The following SDK1 variants were observed in gnomAD, a reference collection of about 807,000 sequenced individuals.
SDK1 encodes the protein protein sidekick-1.
In SDK1, 157 loss-of-function variants were observed where a neutral mutation model predicts 245.5. The ratio of observed to expected loss-of-function variants is 0.64; its 90% confidence interval spans 0.56 to 0.73. The LOEUF (loss-of-function observed/expected upper bound fraction) is 0.73. SDK1 is among the 30% of genes least tolerant of loss of function. The pLI is 0.00. For missense variants in SDK1, 3,583 were observed against 3,002.3 expected (o/e 1.19, Z -4.52); for synonymous variants, 1,647 against 1,278.5 (o/e 1.29, Z -6.15).
At chr7:4,075,144 A>G (rs375074262) in intron 20 of SDK1, among the ~76,000 whole-genome samples, 55 of 151,536 alleles carry the variant, frequency 3.6e-4, no homozygotes, top group African/African-American at 1.3e-3. Context: ...CTTGGTGACA[A>G]CTCACAGGAT....
At chr7:3,401,059 G>T (rs567710045) in intron 1 of SDK1, among the ~76,000 whole-genome samples, 1 of 152,260 alleles carries the variant, frequency 6.6e-6, no homozygotes, top group African/African-American at 2.4e-5. Context: ...GCTGCCATCC[G>T]CAGCCTCATA....
At chr7:3,843,725 C>G (rs1159089743) in intron 5 of SDK1, among the ~76,000 whole-genome samples, 1 of 152,160 alleles carries the variant, frequency 6.6e-6, no homozygotes, top group East Asian at 1.9e-4. Context: ...GACGATGAAG[C>G]CATCGGGACG....
chr7:3,336,202 G>T (rs1038627868), intron 1 of SDK1, among the ~76,000 whole-genome samples: 2 of 152,204 alleles, frequency 1.3e-5, no homozygotes, highest in African/African-American at 2.4e-5. Context: ...TCCCTTCCCA[G>T]GCTTCGAGAG....
intron 5 of SDK1, among the ~76,000 whole-genome samples, chr7:3,861,019 A>G (rs1028015531): frequency 4.3e-4 from 65 of 152,126 alleles, no homozygotes; most frequent in African/African-American, 1.4e-3. Flanking sequence ...TAAACTGTCT[A>G]TATTTTGTGC....
intron 5 of SDK1, among the ~76,000 whole-genome samples, chr7:3,911,071 T>C (rs112507297): frequency 0.035 from 5,300 of 152,218 alleles, 135 homozygotes; most frequent in Middle Eastern, 0.099. Context: ...CTCTCCATTT[T>C]GGGGGGACTA....
chr7:3,761,212 A>G (rs1044961697), intron 4 of SDK1, among the ~76,000 whole-genome samples: 1 of 146,528 alleles, frequency 6.8e-6, no homozygotes, highest in African/African-American at 2.5e-5. Context: ...ATTTTTTTCT[A>G]ATTTCATTGA....
intron 35 of SDK1, among the ~76,000 whole-genome samples, chr7:4,189,018 G>C (rs1783043699): frequency 1.3e-5 from 2 of 151,632 alleles, no homozygotes; most frequent in Admixed American, 6.6e-5. Flanking sequence ...AAATTTCTCA[G>C]CCATTCTATG....
intron 5 of SDK1, among the ~76,000 whole-genome samples, chr7:3,879,638 C>T (rs1781158614): frequency 6.6e-6 from 1 of 152,160 alleles, no homozygotes; most frequent in Non-Finnish European, 1.5e-5. Context: ...GATGGACACC[C>T]AGTTTAATCT....
At chr7:3,641,740 T>C (rs1034316579) in intron 3 of SDK1, among the ~76,000 whole-genome samples, 1 of 152,244 alleles carries the variant, frequency 6.6e-6, no homozygotes, top group Non-Finnish European at 1.5e-5. Flanking sequence ...TGCTGAGGAA[T>C]GTGCAGCGTG....
At chr7:3,798,021 C>G (rs1383248649) in intron 4 of SDK1, among the ~76,000 whole-genome samples, 1 of 152,038 alleles carries the variant, frequency 6.6e-6, no homozygotes, top group Non-Finnish European at 1.5e-5. Flanking sequence ...TTACATGACC[C>G]TAGTCCATTC....
In SDK1 at chr7:3,510,708, C is replaced by T. The variant is rs528529361; in HGVS notation, c.299-108372C>T. On this transcript the variant is annotated intron_variant, in intron 1 of 44. Transcript: ENST00000404826. Reference sequence around the variant, plus strand: ...TATACAGATGAAACCTCAGAGATAGCAGTTCTCAGAGAGAACAGATGATAG... The same window carrying T: ...TATACAGATGAAACCTCAGAGATAGTAGTTCTCAGAGAGAACAGATGATAG... 8.5e-4 allele frequency among the ~76,000 whole-genome samples: 129 copies of T among 152,068 alleles called. 1 individual carries two copies. The highest frequency in any genetic ancestry group is 9.9e-4 in the Non-Finnish European group (67 of 68,010).
chr7:3,588,714 T>C (rs1407687205), intron 1 of SDK1, among the ~76,000 whole-genome samples: 4 of 152,218 alleles, frequency 2.6e-5, no homozygotes, highest in Non-Finnish European at 5.9e-5. Context: ...ACATCTGTAT[T>C]GGGTTGATTT....
intron 14 of SDK1, among the ~76,000 whole-genome samples, chr7:3,998,596 G>C (rs1784848878): frequency 6.6e-6 from 1 of 152,170 alleles, no homozygotes; most frequent in Middle Eastern, 3.2e-3. Context: ...ACAGGTTTCA[G>C]AGCTGATGCT....
At chr7:3,969,158 G>A (rs1782295288) in intron 10 of SDK1, 99 bp from the exon 11 acceptor site, 5 of 1,124,506 alleles carry the variant, frequency 4.4e-6, no homozygotes, top group South Asian at 2.1e-5. Context: ...GTGGGGACAC[G>A]GAGCCGAACC....
At chr7:3,919,332 C>G (rs999710071) in intron 5 of SDK1, among the ~76,000 whole-genome samples, 2 of 152,226 alleles carry the variant, frequency 1.3e-5, no homozygotes, top group Admixed American at 6.5e-5. Context: ...GTGTCCCAGT[C>G]TTGCTCTTGC....
intron 30 of SDK1, among the ~76,000 whole-genome samples, chr7:4,154,310 T>G (rs887282834): frequency 6.6e-6 from 1 of 152,232 alleles, no homozygotes; most frequent in East Asian, 1.9e-4. Flanking sequence ...AGAGTTCTGA[T>G]AGCAAGTTCA....
intron 1 of SDK1, among the ~76,000 whole-genome samples, chr7:3,488,929 G>GTT (rs1317483433): frequency 6.6e-6 from 1 of 151,920 alleles, no homozygotes; most frequent in Non-Finnish European, 1.5e-5. Context: ...GTGTGTGTGT[G>GTT]TGTGTGTCAT....
intron 35 of SDK1, among the ~76,000 whole-genome samples, chr7:4,181,906 G>A (rs1453119188): frequency 2.6e-5 from 4 of 152,152 alleles, no homozygotes; most frequent in Non-Finnish European, 5.9e-5. Context: ...GAGGCCTGAA[G>A]CACCCTTTAT....
intron 1 of SDK1, among the ~76,000 whole-genome samples, chr7:3,432,183 A>T (rs967636919): frequency 1.3e-5 from 2 of 150,148 alleles, no homozygotes; most frequent in Non-Finnish European, 3.0e-5. Context: ...ATATATCCCC[A>T]TACCTGAAGA....
Sources: gnomAD v4.1 joint callset for allele counts (sites outside exome capture counted in the v4.1 genomes callset) on GRCh38, gnomAD v4.1.1 for gene constraint, MANE v1.5 for transcripts, NCBI Gene and HGNC (gene_info 2026-07-23, HGNC 2026-07-21) for gene names.